ABCC9: variants seen among roughly 807,000 people sequenced by gnomAD.
ABCC9 encodes ATP binding cassette subfamily C member 9.
ABCC9 carries 95 observed loss-of-function variants against 188.3 expected under a neutral mutation model. The ratio of observed to expected loss-of-function variants is 0.50; its 90% CI spans 0.43 to 0.60. The LOEUF (loss-of-function observed/expected upper bound fraction) is 0.60, where lower values mean the gene tolerates loss of function less well. Ranked by LOEUF, ABCC9 falls within the 20% of genes least tolerant of loss-of-function variation. The pLI is 0.00. For synonymous variants in ABCC9, 659 were observed against 652.7 expected (o/e 1.01, Z -0.15); for missense variants, 1,102 against 1,876.3 (o/e 0.59, Z 7.62).
intron 31 of ABCC9, 67 bp downstream of exon 31, chr12:21,828,891 G>A: frequency 3.1e-6 from 4 of 1,286,720 alleles, no homozygotes; most frequent in Non-Finnish European, 4.5e-6. Context: ...TTTTACAACT[G>A]TCTGCCTCTT....
chr12:21,882,237 T>G (rs1189331710), intron 16 of ABCC9, among the ~76,000 whole-genome samples: 2 of 152,076 alleles, frequency 1.3e-5, no homozygotes, highest in African/African-American at 2.4e-5. Context: ...TGCACAACAC[T>G]GATTACTCCC....
In ABCC9 at chr12:21,941,336, C is replaced by T. The variant is rs1329762094; in HGVS notation, c.-273G>A. ...GACTGCTCTGGGCCGGGGCAGACAC[C>T]GCGGCTGAGAAGCAGGAAACTGGGC... On this transcript the variant is annotated 5_prime_UTR_variant, in exon 1 of 40. Transcript: ENST00000261200. The surrounding 1 kb of genome is among the most constrained non-coding windows in gnomAD (Gnocchi z 5.4). 1 of 152,362 alleles carries T rather than the reference C, an allele frequency of 6.6e-6. No homozygotes were observed. The highest frequency in any genetic ancestry group is 1.5e-5 in the Non-Finnish European group (1 of 68,166). The allele number at this position is 152,362 out of a possible 1,614,324, so 9.4% of individuals were successfully genotyped here.
intron 38 of ABCC9, 97 bp downstream of exon 38, chr12:21,807,249 A>G: frequency 6.6e-7 from 1 of 1,518,412 alleles, no homozygotes; most frequent in South Asian, 1.1e-5. Flanking sequence ...AAACAATAGT[A>G]CTGAGGATTC....
At chr12:21,801,862 G>T (rs1190684632) in intron 39 of ABCC9, among the ~76,000 whole-genome samples, 1 of 152,132 alleles carries the variant, frequency 6.6e-6, no homozygotes, top group Non-Finnish European at 1.5e-5. Context: ...CTCAGCTGTG[G>T]GTGTTATGTC....
intron 30 of ABCC9, among the ~76,000 whole-genome samples, chr12:21,837,674 A>G: frequency 6.6e-6 from 1 of 152,180 alleles, no homozygotes; most frequent in Non-Finnish European, 1.5e-5. Flanking sequence ...TATTATTTAT[A>G]CATTTATTTT....
rs958313630 is a variant in ABCC9 at position 21,799,402 on chromosome 12, T to G, written c.*1642A>C. 1 of 152,150 alleles carries G rather than the reference T, an allele frequency of 6.6e-6. No individual in the cohort carries two copies. The highest frequency in any genetic ancestry group is 1.5e-5 in the Non-Finnish European group (1 of 68,028). The allele number at this position is 152,150 out of a possible 1,614,324, so 9.4% of individuals were successfully genotyped here. A position where few individuals can be genotyped will look rare whatever the true frequency, so the allele number is the denominator to read the frequency against. ...ACACCATTTTAGGAGAGTGGTTGAA[T>G]TTTTAGAAAATATTTGCAAGACATA... On this transcript the variant is annotated 3_prime_UTR_variant, in exon 40 of 40. Transcript: ENST00000261200.
intron 37 of ABCC9, among the ~76,000 whole-genome samples, chr12:21,809,447 CT>C (rs1192846415): frequency 9.2e-5 from 14 of 152,168 alleles, no homozygotes; most frequent in Non-Finnish European, 1.6e-4. Flanking sequence ...GCAAAATTGC[CT>C]TTCCCTAAGT....
chr12:21,816,468 AG>A (rs1451190073), intron 33 of ABCC9, among the ~76,000 whole-genome samples: 1 of 152,144 alleles, frequency 6.6e-6, no homozygotes, highest in African/African-American at 2.4e-5. Context: ...GAGGTCCAGG[AG>A]GGCTCCAAGA....
chr12:21,875,074 AAAAAT>A (rs139991988), intron 17 of ABCC9, among the ~76,000 whole-genome samples: 47,710 of 150,964 alleles, frequency 0.32, 7,662 homozygotes, highest in East Asian at 0.47. Flanking sequence ...TCTTCCCACA[AAAAAT>A]AAAATAAAAG....
rs563643643 is a variant in ABCC9 at position 21,941,171 on chromosome 12, A to G, written c.-137+29T>C. ...TTATTCCTAAAAATGTTTAAATGGCATTCATGTAAAAGACACGGATTCACT... is the reference window on the plus strand; with the variant it reads ...TTATTCCTAAAAATGTTTAAATGGCGTTCATGTAAAAGACACGGATTCACT... On this transcript the variant is annotated intron_variant, in intron 1 of 39. Transcript: ENST00000261200. The surrounding 1 kb of genome is among the most constrained non-coding windows in gnomAD (Gnocchi z 5.4). The G allele has an allele frequency of 7.2e-5, 11 of 152,396 alleles. No homozygotes were observed. In the South Asian group the frequency reaches 2.3e-3, roughly 32 times the overall value. 9.4% of individuals were successfully genotyped at this position (152,396 alleles called of 1,614,324 possible). A position where few individuals can be genotyped will look rare whatever the true frequency, so the allele number is the denominator to read the frequency against.
At chr12:21,815,686 A>G in intron 34 of ABCC9, 77 bp downstream of exon 34, 1 of 1,567,794 alleles carries the variant, frequency 6.4e-7, no homozygotes, top group Non-Finnish European at 8.7e-7. Flanking sequence ...GGGAAGTATG[A>G]AGAGCTTAGG....
intron 39 of ABCC9, 51 bp downstream of exon 39, chr12:21,805,947 T>A: frequency 1.9e-6 from 3 of 1,538,652 alleles, no homozygotes; most frequent in Non-Finnish European, 2.7e-6. Flanking sequence ...GATGATAACA[T>A]GTTAGAACAA....
chr12:21,896,089 T>C (rs989956722), intron 12 of ABCC9, among the ~76,000 whole-genome samples: 7 of 79,086 alleles, frequency 8.9e-5, no homozygotes, highest in African/African-American at 2.3e-4. Flanking sequence ...CTTTTTTTTT[T>C]TTTTTTTTTA....
intron 30 of ABCC9, among the ~76,000 whole-genome samples, chr12:21,834,784 TATACACACAC>T (rs1300994942): frequency 6.6e-5 from 2 of 30,310 alleles, no homozygotes; most frequent in Non-Finnish European, 1.4e-4. Flanking sequence ...TATATAACAT[TATACACACAC>T]ACACACACAC....
intron 12 of ABCC9, among the ~76,000 whole-genome samples, chr12:21,904,806 T>C (rs973809043): frequency 3.9e-5 from 6 of 152,120 alleles, no homozygotes; most frequent in Admixed American, 3.3e-4. Context: ...TGTGGAGAAA[T>C]AGGAACACTT....
intron 4 of ABCC9, among the ~76,000 whole-genome samples, chr12:21,932,772 T>C (rs1949338461): frequency 2.0e-5 from 3 of 152,044 alleles, no homozygotes; most frequent in African/African-American, 7.2e-5. Context: ...ATAGAATACT[T>C]ATGCACCATT....
chr12:21,929,781 A>G (rs1279213039), intron 4 of ABCC9, among the ~76,000 whole-genome samples: 6 of 152,284 alleles, frequency 3.9e-5, no homozygotes, highest in African/African-American at 1.2e-4. Flanking sequence ...TTTCTTCATT[A>G]TAAAATTTTA....
chr12:21,815,749 C>A lies in ABCC9; in HGVS notation c.4023+14G>T, dbSNP rs1393009742. On this transcript the variant is annotated intron_variant, in intron 34 of 39. Coordinates refer to ENST00000261200, the MANE Select transcript of ABCC9 (RefSeq NM_020297.4). ...TTTTATGTATACAACATATCAAATGCAGTGATTTCATACCTTTTGTCCAGG... is the reference window on the plus strand; with the variant it reads ...TTTTATGTATACAACATATCAAATGAAGTGATTTCATACCTTTTGTCCAGG... 6.2e-7 allele frequency: 1 copy of A among 1,611,486 alleles called. No homozygotes were observed. Among genetic ancestry groups the A allele is most frequent in the Admixed American group, 1.7e-5 (1 of 59,932 alleles).
chr12:21,896,817 T>C (rs1295735782), intron 12 of ABCC9, among the ~76,000 whole-genome samples: 2 of 152,248 alleles, frequency 1.3e-5, no homozygotes, highest in East Asian at 1.9e-4. Flanking sequence ...ATCCAGTCTA[T>C]CACTGATGGA....
Sources: allele counts gnomAD v4.1 joint callset (sites outside exome capture counted in the v4.1 genomes callset), GRCh38; gene constraint gnomAD v4.1.1; non-coding constraint Gnocchi (gnomAD v3.1); transcripts MANE v1.5; gene names NCBI Gene and HGNC (gene_info 2026-07-23, HGNC 2026-07-21).